The following TACC3 variants were observed in gnomAD, a reference collection of about 807,000 sequenced individuals.
The protein encoded by TACC3 is transforming acidic coiled-coil-containing protein 3.
In TACC3, 52 loss-of-function variants were observed where a neutral mutation model predicts 86.0. The observed-to-expected ratio is 0.60, with a 90% confidence interval of 0.48 to 0.76. TACC3 has a LOEUF of 0.76. Ranked by LOEUF, TACC3 falls within the 30% of genes least tolerant of loss-of-function variation. TACC3 has a pLI of 0.00. For synonymous variants in TACC3, 512 were observed against 430.0 expected (o/e 1.19, Z -2.36); for missense variants, 1,120 against 1,070.4 (o/e 1.05, Z -0.65).
In TACC3 at chr4:1,727,698, C is replaced by G. The variant is rs2592828; in HGVS notation, c.306-10C>G. The G allele has an allele frequency of 0.43, 667,014 of 1,564,190 alleles. 146,735 individuals carry two copies. The highest frequency in any genetic ancestry group is 0.46 in the Non-Finnish European group (532,056 of 1,154,968). ...TCGCTGCTTCACGTTGATTAAGTCT[C>G]TTTTAAAAGCCAACAGCTCATCAAG... On this transcript the variant is annotated splice_polypyrimidine_tract_variant and intron_variant, in intron 3 of 15. Transcript: ENST00000313288.
At chr4:1,734,916 T>C (rs569725340) in intron 6 of TACC3, among the ~76,000 whole-genome samples, 67 of 152,346 alleles carry the variant, frequency 4.4e-4, no homozygotes, top group African/African-American at 1.6e-3. Flanking sequence ...CCCTTAGTTT[T>C]AATCAAAAGT....
chr4:1,738,015 C>T (rs995055784), intron 10 of TACC3: 7 of 435,272 alleles, frequency 1.6e-5, no homozygotes, highest in Admixed American at 8.8e-5. Flanking sequence ...GCCGTGAGCC[C>T]GAGTGTCGCC....
chr4:1,736,422 CAAA>C (rs1164866581), intron 8 of TACC3, among the ~76,000 whole-genome samples: 8 of 65,822 alleles, frequency 1.2e-4, no homozygotes, highest in Non-Finnish European at 1.5e-4. Flanking sequence ...GACTCCATCT[CAAA>C]AAAAAAAAAA....
intron 4 of TACC3, chr4:1,730,426 T>C (rs1281394778): frequency 3.6e-6 from 1 of 277,392 alleles, no homozygotes; most frequent in Non-Finnish European, 7.2e-6. Flanking sequence ...TATTCATATA[T>C]AATCATATCT....
intron 4 of TACC3, 27 bp from the exon 5 acceptor site, chr4:1,730,860 G>A: frequency 3.1e-6 from 5 of 1,610,212 alleles, no homozygotes; most frequent in Non-Finnish European, 4.2e-6. Flanking sequence ...TGGGGGGCAT[G>A]GGCCTCTGCT....
In TACC3 at chr4:1,727,855, C is replaced by T. The variant is rs370688431; in HGVS notation, c.453C>T (p.Asp151=). 7 of 1,613,410 alleles carry T rather than the reference C, an allele frequency of 4.3e-6. No individual in the cohort carries two copies. Among genetic ancestry groups the T allele is most frequent in the Middle Eastern group, 1.6e-4 (1 of 6,084 alleles). ...AGTCTGGCCCAGGTGCCCTGGCTGA[C>T]CTGGACTGCTCAAGCTCTTCCCAGA... ...SSESGPGALA[D]LDCSSSSQSP... The change falls in exon 4 of 16, where the codon GAC becomes GAT. Residue 151 remains aspartate (D), a synonymous_variant. Coordinates refer to ENST00000313288, the MANE Select transcript of TACC3 (RefSeq NM_006342.3).
chr4:1,738,982 C>T (rs1049825153), intron 10 of TACC3, among the ~76,000 whole-genome samples: 8 of 152,100 alleles, frequency 5.3e-5, no homozygotes, highest in East Asian at 1.9e-4. Flanking sequence ...AAGCAAGGGG[C>T]GAAGAGAACC....
At chr4:1,742,776 G>T (rs1718654238) in intron 13 of TACC3, among the ~76,000 whole-genome samples, 1 of 149,400 alleles carries the variant, frequency 6.7e-6, no homozygotes, top group Admixed American at 6.7e-5. Context: ...TCCAGCCTGG[G>T]CGACAGAGTG....
In TACC3 at chr4:1,744,794, A is replaced by C. The variant is rs1401278513; in HGVS notation, c.2413A>C (p.Met805Leu). The C allele has an allele frequency of 1.2e-6, 2 of 1,612,804 alleles. No individual in the cohort carries two copies. The highest frequency in any genetic ancestry group is 2.7e-5 in the African/African-American group (2 of 74,952). ...ALQASLRKEQMRIQSLEKTVE... is the reference protein window; with the variant it reads ...ALQASLRKEQLRIQSLEKTVE... ...CCAGGCCAGCCTGAGGAAGGAGCAG[A>C]TGCGCATCCAGTCGCTGGAGAAGAC... Residue 805 changes from methionine to leucine, a missense_variant, in exon 15 of 16, where the codon ATG becomes CTG. Coordinates refer to ENST00000313288, the MANE Select transcript of TACC3 (RefSeq NM_006342.3).
At chr4:1,737,909 G>A (rs772546510) in intron 10 of TACC3, 28 of 672,274 alleles carry the variant, frequency 4.2e-5, no homozygotes, top group Non-Finnish European at 6.0e-5. Context: ...CAGTGTCCCC[G>A]CAGTCAGCTG....
chr4:1,729,019 C>T (rs976061458), intron 4 of TACC3, among the ~76,000 whole-genome samples: 2 of 152,220 alleles, frequency 1.3e-5, no homozygotes, highest in Non-Finnish European at 2.9e-5. Context: ...AAGGAGGGAT[C>T]CAATAAGGGC....
chr4:1,723,979 G>C (rs1717555665), intron 3 of TACC3, 109 bp downstream of exon 3: 4 of 1,302,348 alleles, frequency 3.1e-6, no homozygotes, highest in Non-Finnish European at 4.2e-6. Context: ...TTTTTTGTTT[G>C]TTTGTTTGAG....
rs769299161 is a variant in TACC3, at chr4:1,728,639, C to T, written c.1237C>T (p.Pro413Ser). The change falls in exon 4 of 16, where the codon CCA becomes TCA. Residue 413 changes from proline to serine, a missense_variant. By Grantham distance (74) the Pro-to-Ser change is moderately conservative. Transcript: ENST00000313288. ...YHLDWDKMDD[P>S]NFIPFGGDTK... ...CCTCGACTGGGACAAAATGGATGAC[C>T]CAAACTTCATCCCGTTCGGAGGTGA... is the stretch of plus-strand genomic sequence containing the variant. 3 of 1,613,898 alleles carry T rather than the reference C, an allele frequency of 1.9e-6. No homozygotes were observed. The South Asian group carries it at 3.3e-5, about 18-fold the overall frequency.
rs1393423530 is a variant in TACC3, at chr4:1,737,691, C to T, written c.1930C>T (p.Leu644=). The T allele has an allele frequency of 6.4e-7, 1 of 1,550,980 alleles. No individual in the cohort carries two copies. Among genetic ancestry groups the T allele is most frequent in the Non-Finnish European group, 8.7e-7 (1 of 1,146,958 alleles). The change falls in exon 10 of 16, where the codon CTG becomes TTG. Residue 644 remains leucine, a synonymous_variant. Coordinates refer to ENST00000313288, the MANE Select transcript of TACC3 (RefSeq NM_006342.3). ...VDLLQYSQKD[L]DAVVKATQEE... Reference sequence around the variant, plus strand: ...CCTGCTCCAGTACAGCCAGAAGGACCTGGATGCAGTGGTAAGGACGCAGGT... The same window carrying T: ...CCTGCTCCAGTACAGCCAGAAGGACTTGGATGCAGTGGTAAGGACGCAGGT...
At chr4:1,737,508 T>C (rs1718338581) in intron 9 of TACC3, 90 bp from the exon 10 acceptor site, 1 of 1,187,420 alleles carries the variant, frequency 8.4e-7, no homozygotes, top group Non-Finnish European at 1.2e-6. Flanking sequence ...CTGAGGCTCT[T>C]GGCCTGTGTG....
intron 1 of TACC3, chr4:1,723,063 G>A (rs538371566): frequency 1.2e-4 from 23 of 193,106 alleles, no homozygotes; most frequent in East Asian, 9.2e-4. Flanking sequence ...TTATTGGCCC[G>A]GGCTTTTCCG....
At position 1,744,725 on chromosome 4, in the gene TACC3, A is replaced by C; in HGVS notation, c.2344A>C (p.Ile782Leu). The C allele has an allele frequency of 1.2e-6, 2 of 1,612,588 alleles. No individual in the cohort carries two copies. The highest frequency in any genetic ancestry group is 1.7e-6 in the Non-Finnish European group (2 of 1,179,954). ...EEKLQLANEEIAQVRSKAQAE... is the reference protein window; with the variant it reads ...EEKLQLANEELAQVRSKAQAE... Reference sequence around the variant, plus strand: ...CTACCCCTCCAGGGCAAACGAGGAGATCGCCCAGGTCCGGAGCAAGGCCCA... The same window carrying C: ...CTACCCCTCCAGGGCAAACGAGGAGCTCGCCCAGGTCCGGAGCAAGGCCCA... Residue 782 changes from isoleucine (I) to leucine (L), a missense_variant, in exon 15 of 16, where the codon ATC (isoleucine) becomes CTC (leucine). Coordinates refer to ENST00000313288, the MANE Select transcript of TACC3 (RefSeq NM_006342.3).
intron 6 of TACC3, 59 bp downstream of exon 6, chr4:1,731,360 T>C: frequency 1.9e-6 from 3 of 1,587,894 alleles, no homozygotes; most frequent in Non-Finnish European, 2.6e-6. Flanking sequence ...CCGTGAGCAC[T>C]TGGGCAGCTC....
chr4:1,721,221 T>G, upstream of TACC3: 1 of 164,252 alleles, frequency 6.1e-6, no homozygotes, highest in Non-Finnish European at 1.3e-5. Context: ...TGGGGAAACT[T>G]AGGCCTGAGC....
Sources: gnomAD v4.1 joint callset for allele counts (sites outside exome capture counted in the v4.1 genomes callset) on GRCh38, gnomAD v4.1.1 for gene constraint, MANE v1.5 for transcripts, NCBI Gene and HGNC (gene_info 2026-07-23, HGNC 2026-07-21) for gene names.